NIN: variants seen among roughly 807,000 people sequenced by gnomAD.
NIN encodes glycogen synthase kinase 3 beta-interacting protein.
Under a neutral mutation model 257.6 loss-of-function variants are expected in NIN, and 137 were observed. The observed-to-expected ratio is 0.53, with a 90% CI of 0.46 to 0.61. The LOEUF (loss-of-function observed/expected upper bound fraction) is 0.61. Ranked by LOEUF, NIN falls within the 20% of genes least tolerant of loss-of-function variation. NIN has a pLI of 0.00. For synonymous variants in NIN, 918 were observed against 919.8 expected (o/e 1.00, Z 0.04); for missense variants, 2,439 against 2,501.2 (o/e 0.98, Z 0.53).
intron 21 of NIN, among the ~76,000 whole-genome samples, chr14:50,748,792 T>G (rs550272297): frequency 6.6e-6 from 1 of 152,262 alleles, no homozygotes; most frequent in African/African-American, 2.4e-5. Flanking sequence ...TACAAACCAC[T>G]GCTCAAGGAA....
intron 2 of NIN, among the ~76,000 whole-genome samples, chr14:50,824,769 C>T (rs547973318): frequency 6.6e-6 from 1 of 152,306 alleles, no homozygotes; most frequent in South Asian, 2.1e-4. Flanking sequence ...ATGAGGTCTA[C>T]AGAAATGGGC....
intron 5 of NIN, among the ~76,000 whole-genome samples, chr14:50,786,404 G>A (rs1371582030): frequency 6.6e-6 from 1 of 150,846 alleles, no homozygotes; most frequent in Admixed American, 6.6e-5. Flanking sequence ...TGGGGGTGGG[G>A]TCTGGTCTCC....
rs1476350847 is a variant in NIN at position 50,776,945 on chromosome 14, T to A, written c.666+4A>T. On this transcript the variant is annotated splice_donor_region_variant and intron_variant, in intron 7 of 30. Transcript: ENST00000530997. ...TCATTCCTGAATTATACTGCGAGGC[T>A]TACCTCTCCATCCACATTCTGTAAA... 1.2e-6 allele frequency: 2 copies of A among 1,610,132 alleles called. No individual in the cohort carries two copies. The highest frequency in any genetic ancestry group is 1.7e-6 in the Non-Finnish European group (2 of 1,178,108).
chr14:50,786,987 A>C (rs2043374816), intron 5 of NIN, among the ~76,000 whole-genome samples: 1 of 152,164 alleles, frequency 6.6e-6, no homozygotes, highest in African/African-American at 2.4e-5. Context: ...TAAGCTTTTT[A>C]ACAACCACCT....
At chr14:50,777,984 C>A (rs2042983775) in intron 6 of NIN, among the ~76,000 whole-genome samples, 1 of 152,096 alleles carries the variant, frequency 6.6e-6, no homozygotes, top group Non-Finnish European at 1.5e-5. Context: ...ACTGCTGTGG[C>A]GTTTCAACCT....
intron 20 of NIN, 22 bp downstream of exon 20, chr14:50,754,541 G>C (rs777928585): frequency 6.4e-7 from 1 of 1,569,282 alleles, no homozygotes; most frequent in East Asian, 2.2e-5. Context: ...AAAACATTGA[G>C]AAATATTAAG....
chr14:50,785,059 G>C (rs901259406), intron 5 of NIN, among the ~76,000 whole-genome samples: 3 of 152,242 alleles, frequency 2.0e-5, no homozygotes, highest in African/African-American at 7.2e-5. Flanking sequence ...CCACTCTGTG[G>C]GCCGTGCATC....
chr14:50,751,119 A>G (rs899487725), intron 21 of NIN, among the ~76,000 whole-genome samples: 1 of 152,194 alleles, frequency 6.6e-6, no homozygotes, highest in African/African-American at 2.4e-5. Context: ...ACAGCTGCAC[A>G]GTACTACTTC....
At chr14:50,765,843 G>GGTT (rs2042459281) in intron 14 of NIN, among the ~76,000 whole-genome samples, 12 of 147,004 alleles carry the variant, frequency 8.2e-5, no homozygotes, top group East Asian at 3.9e-4. Flanking sequence ...TAACATTTAT[G>GGTT]TTTTTTTTTT....
rs574870912 is a variant in NIN, at chr14:50,741,264, A to G, written c.5448+318T>C. ...TCAGCCATGGTCTTCTGACTTGCTC[A>G]ATACAAAAAAAAGACCTGTTTTATA... On this transcript the variant is annotated intron_variant, in intron 25 of 30. Coordinates refer to ENST00000530997, the MANE Select transcript of NIN (RefSeq NM_020921.4). 2.3e-3 allele frequency among the ~76,000 whole-genome samples: 347 copies of G among 152,284 alleles called. 14 individuals carry two copies. The South Asian group carries it at 0.068, about 30-fold the overall frequency.
At position 50,731,196 on chromosome 14, in the gene NIN, G is replaced by A. The variant is rs559633508; in HGVS notation, c.5878-1473C>T. ...TTCTACAAGTGCATCTTCACTTACTGTATCCTATTTGTGCCCCGCCCAATA... is the reference window on the plus strand; with the variant it reads ...TTCTACAAGTGCATCTTCACTTACTATATCCTATTTGTGCCCCGCCCAATA... On this transcript the variant is annotated intron_variant, in intron 28 of 30. Coordinates refer to ENST00000530997, the MANE Select transcript of NIN (RefSeq NM_020921.4). Among the ~76,000 whole-genome samples, 26 of 152,250 alleles carry A rather than the reference G, an allele frequency of 1.7e-4. No individual in the cohort carries two copies. The South Asian group carries it at 3.5e-3, about 21-fold the overall frequency.
chr14:50,817,909 T>G (rs900061107), intron 3 of NIN, among the ~76,000 whole-genome samples: 1 of 151,012 alleles, frequency 6.6e-6, no homozygotes, highest in Non-Finnish European at 1.5e-5. Context: ...AGAGACAGGG[T>G]TTCACAGTGT....
Position 50,735,498 on chromosome 14 carries a change from A to G in NIN, c.5877+18T>C, listed in dbSNP as rs761242124. ...TAACATATTCTTCATAGCTAAGGCC[A>G]TCTGCTGAGAAACTTACCTCCATGA... On this transcript the variant is annotated intron_variant, in intron 28 of 30. Transcript: ENST00000530997. The G allele has an allele frequency of 3.7e-6, 6 of 1,611,940 alleles. 1 individual carries two copies. In the Admixed American group the frequency reaches 6.7e-5, roughly 18 times the overall value.
At chr14:50,803,750 G>A (rs900876464) in intron 4 of NIN, among the ~76,000 whole-genome samples, 2 of 152,192 alleles carry the variant, frequency 1.3e-5, no homozygotes, top group African/African-American at 4.8e-5. Flanking sequence ...TGATTTAAGG[G>A]ATAGTTACTT....
At chr14:50,736,307 A>G (rs559856144) in intron 27 of NIN, among the ~76,000 whole-genome samples, 55 of 150,308 alleles carry the variant, frequency 3.7e-4, no homozygotes, top group African/African-American at 1.2e-3. Context: ...TAGTTTTTGT[A>G]TATTTTTTTT....
intron 29 of NIN, among the ~76,000 whole-genome samples, chr14:50,729,228 T>A (rs2040566211): frequency 6.6e-6 from 1 of 151,706 alleles, no homozygotes; most frequent in South Asian, 2.1e-4. Context: ...AATATCTCTC[T>A]GAAAGAAGAT....
chr14:50,738,324 C>T (rs917043423), intron 26 of NIN, 38 bp from the exon 27 acceptor site: 1 of 1,590,282 alleles, frequency 6.3e-7, no homozygotes, highest in Non-Finnish European at 8.6e-7. Context: ...AATGCTAATA[C>T]AATCACCCAG....
intron 15 of NIN, 99 bp downstream of exon 15, chr14:50,763,727 T>C (rs117261593): frequency 7.2e-6 from 7 of 971,502 alleles, no homozygotes; most frequent in Middle Eastern, 6.2e-4. Flanking sequence ...TTTTTTTTTT[T>C]CTTTTTTCAA....
intron 4 of NIN, among the ~76,000 whole-genome samples, chr14:50,793,725 T>TCACCAC (rs202080296): frequency 2.0e-5 from 3 of 152,032 alleles, no homozygotes; most frequent in African/African-American, 4.8e-5. Context: ...ACCACTGCCA[T>TCACCAC]CACCACCACC....
Sources: gnomAD v4.1 joint callset for allele counts (sites outside exome capture counted in the v4.1 genomes callset) on GRCh38, gnomAD v4.1.1 for gene constraint, MANE v1.5 for transcripts, NCBI Gene and HGNC (gene_info 2026-07-23, HGNC 2026-07-21) for gene names.